TRIML1: variants seen among roughly 807,000 people sequenced by gnomAD.
TRIML1 encodes tripartite motif family like 1.
Under a neutral mutation model 32.3 loss-of-function variants are expected in TRIML1, and 34 were observed. The ratio of observed to expected loss-of-function variants is 1.05; its 90% CI spans 0.80 to 1.40. The LOEUF is 1.40. Among genes scored for constraint, TRIML1 ranks in the 40% most tolerant of loss-of-function variants. The pLI is 0.00. For missense variants in TRIML1, 595 were observed against 574.9 expected (o/e 1.03, Z -0.36); for synonymous variants, 244 against 226.6 (o/e 1.08, Z -0.69).
chr4:188,139,945 C>A lies in TRIML1; in HGVS notation c.387C>A (p.Ser129Arg), dbSNP rs138508820. The A allele has an allele frequency of 3.0e-4, 483 of 1,610,310 alleles. 5 individuals carry two copies. The East Asian group carries it at 9.5e-3, about 32-fold the overall frequency. The change falls in exon 1 of 6, where the codon AGC becomes AGA. Residue 129 changes from serine to arginine, a missense_variant. Physicochemically the swap from Ser to Arg is moderately radical, Grantham distance 110. Coordinates refer to ENST00000332517, the MANE Select transcript of TRIML1 (RefSeq NM_178556.5). ...SHGANRVHLS[S>R]EAEEHHREKL... ...GTGCAAACAGAGTGCATCTCTCCAG[C>A]GAGGCTGAGGAGCATCACAGAGTAA...
At chr4:188,142,215 T>C (rs1734885480) in intron 2 of TRIML1, 37 bp from the exon 3 acceptor site, 1 of 347,706 alleles carries the variant, frequency 2.9e-6, no homozygotes, top group Non-Finnish European at 4.4e-6. Flanking sequence ...CTCGTGTGTG[T>C]GTGTGTGTGT....
downstream of TRIML1, among the ~76,000 whole-genome samples, chr4:188,148,350 T>C (rs1034841261): frequency 5.5e-5 from 8 of 145,394 alleles, no homozygotes; most frequent in East Asian, 2.4e-4. Flanking sequence ...AAAAATTAGC[T>C]GGGCATGATG....
chr4:188,140,934 C>A, intron 2 of TRIML1: 1 of 186,942 alleles, frequency 5.3e-6, no homozygotes, highest in Non-Finnish European at 1.1e-5. Flanking sequence ...AGACGGAAAG[C>A]GATTTTAAAA....
downstream of TRIML1, among the ~76,000 whole-genome samples, chr4:188,149,444 G>A (rs968531438): frequency 6.6e-6 from 1 of 152,126 alleles, no homozygotes; most frequent in Non-Finnish European, 1.5e-5. Context: ...CGGTTGGAAA[G>A]AAATTAATAA....
chr4:188,140,041 G>T (rs1426842594), intron 1 of TRIML1, 75 bp downstream of exon 1: 4 of 1,477,808 alleles, frequency 2.7e-6, no homozygotes, highest in Non-Finnish European at 3.7e-6. Flanking sequence ...GTTTCCTAAC[G>T]TCCTCTGTGG....
At chr4:188,148,116 C>A (rs143386906), downstream of TRIML1, among the ~76,000 whole-genome samples, 524 of 152,240 alleles carry the variant, frequency 3.4e-3, 4 homozygotes, top group African/African-American at 0.012. Context: ...ATATAAGGTT[C>A]TTTTCGGTGC....
In TRIML1 at chr4:188,139,470, C is replaced by T. The variant is rs747160979; in HGVS notation, c.-89C>T. 13 of 1,321,214 alleles carry T rather than the reference C, an allele frequency of 9.8e-6. No homozygotes were observed. Among genetic ancestry groups the T allele is most frequent in the Middle Eastern group, 2.3e-4 (1 of 4,340 alleles). The allele number at this position is 1,321,214 out of a possible 1,614,324, so 81.8% of individuals were successfully genotyped here. On this transcript the variant is annotated 5_prime_UTR_variant, in exon 1 of 6. Transcript: ENST00000332517. ...TAACAACATAGGAACAGGTCACCCG[C>T]GTGTTACTCAAAACTGTAGGACGGC... is the stretch of plus-strand genomic sequence containing the variant.
chr4:188,143,549 G>C (rs1734943055), intron 3 of TRIML1: 1 of 445,806 alleles, frequency 2.2e-6, no homozygotes, highest in Non-Finnish European at 4.1e-6. Context: ...GGATGATCGA[G>C]ACTAACAGGT....
chr4:188,142,115 CAA>C (rs34286328), intron 2 of TRIML1, 135 bp from the exon 3 acceptor site: 128,941 of 461,716 alleles, frequency 0.28, 2,939 homozygotes, highest in Middle Eastern at 0.32. Context: ...GACTCCATCT[CAA>C]AAAAAAAAAA....
Position 188,139,647 on chromosome 4 carries a change from A to G in TRIML1, c.89A>G (p.Glu30Gly), listed in dbSNP as rs751472138. 6.2e-7 allele frequency: 1 copy of G among 1,614,088 alleles called. No homozygotes were observed. The highest frequency in any genetic ancestry group is 8.5e-7 in the Non-Finnish European group (1 of 1,179,988). ...LDYFSSPVTT[E>G]CGHSFCLVCL... The stretch of plus-strand genomic sequence containing the variant: ...TATTTCAGCAGCCCAGTGACCACCG[A>G]GTGTGGGCACAGCTTTTGTCTGGTG... The change falls in exon 1 of 6, where the codon GAG (glutamate) becomes GGG (glycine). Residue 30 changes from glutamate (E) to glycine (G), a missense_variant. Transcript: ENST00000332517.
chr4:188,138,356 C>T (rs1362831937), upstream of TRIML1, among the ~76,000 whole-genome samples: 1 of 152,026 alleles, frequency 6.6e-6, no homozygotes, highest in Non-Finnish European at 1.5e-5. Flanking sequence ...GTAATGGACC[C>T]GACTCGTGGA....
At chr4:188,150,376 G>A (rs1000699918), downstream of TRIML1, among the ~76,000 whole-genome samples, 9 of 150,728 alleles carry the variant, frequency 6.0e-5, no homozygotes, top group African/African-American at 1.2e-4. Context: ...TGATCCACCC[G>A]CCTCAGCCTC....
At chr4:188,146,213 A>C (rs1441365670) in intron 5 of TRIML1, among the ~76,000 whole-genome samples, 1 of 152,154 alleles carries the variant, frequency 6.6e-6, no homozygotes, top group Non-Finnish European at 1.5e-5. Context: ...GGGTGTCCCT[A>C]TGTGGACGCA....
chr4:188,145,441 C>CAAAA (rs869253721), intron 5 of TRIML1, among the ~76,000 whole-genome samples: 615 of 34,070 alleles, frequency 0.018, 58 homozygotes, highest in Middle Eastern at 0.062. Flanking sequence ...GACTCCGTCT[C>CAAAA]AAAAAAAAAA....
intron 5 of TRIML1, among the ~76,000 whole-genome samples, chr4:188,144,420 G>C (rs59615584): frequency 4.7e-5 from 7 of 148,268 alleles, no homozygotes; most frequent in South Asian, 2.2e-4. Context: ...TGGAGCGCAG[G>C]GGCGCGATCT....
intron 2 of TRIML1, 39 bp from the exon 3 acceptor site, chr4:188,142,213 T>TGC: frequency 1.5e-5 from 2 of 134,116 alleles, no homozygotes; most frequent in Non-Finnish European, 2.5e-5. Context: ...ATCTCGTGTG[T>TGC]GTGTGTGTGT....
Position 188,142,492 on chromosome 4 carries a change from A to G in TRIML1, c.735+10A>G, listed in dbSNP as rs769496804. On this transcript the variant is annotated intron_variant, in intron 3 of 5. Coordinates refer to ENST00000332517, the MANE Select transcript of TRIML1 (RefSeq NM_178556.5). ...TTTCGAATCTCTTGAGGTGAGAATA[A>G]CATTCATGAGAGTAATGGGAAAAAT... 1 of 1,602,590 alleles carries G rather than the reference A, an allele frequency of 6.2e-7. No individual in the cohort carries two copies. The highest frequency in any genetic ancestry group is 8.5e-7 in the Non-Finnish European group (1 of 1,170,560).
rs947154010 is a variant in TRIML1, at chr4:188,144,494, C to T, written c.856+361C>T. 1.1e-4 allele frequency among the ~76,000 whole-genome samples: 16 copies of T among 145,176 alleles called. 2 individuals are homozygous for T. The highest frequency in any genetic ancestry group is 7.2e-4 in the South Asian group (3 of 4,172). ...TCTCCTGCCTCAGCCTCCCGAGTAG[C>T]TGGGACTACAGGCGCCCGCCACCAC... On this transcript the variant is annotated intron_variant, in intron 5 of 5. Coordinates refer to ENST00000332517, the MANE Select transcript of TRIML1 (RefSeq NM_178556.5).
chr4:188,149,109 C>CG (rs544304308), downstream of TRIML1, among the ~76,000 whole-genome samples: 1 of 151,198 alleles, frequency 6.6e-6, no homozygotes, highest in East Asian at 2.0e-4. Flanking sequence ...TTAGTAGAGA[C>CG]GGGGTTTCAC....
Sources: gnomAD v4.1 joint callset for allele counts (sites outside exome capture counted in the v4.1 genomes callset) on GRCh38, gnomAD v4.1.1 for gene constraint, MANE v1.5 for transcripts, NCBI Gene and HGNC (gene_info 2026-07-23, HGNC 2026-07-21) for gene names.